Variants in SUGCT observed in about 807,000 individuals in gnomAD.
SUGCT encodes succinyl-CoA:glutarate CoA-transferase.
In SUGCT, 41 loss-of-function variants were observed where a neutral mutation model predicts 55.0. The ratio of observed to expected loss-of-function variants is 0.74; its 90% CI spans 0.58 to 0.97. The LOEUF (loss-of-function observed/expected upper bound fraction) is 0.97. SUGCT is among the 50% of genes least tolerant of loss of function. SUGCT has a pLI of 0.00. For missense variants in SUGCT, 568 were observed against 547.8 expected (o/e 1.04, Z -0.37); for synonymous variants, 187 against 200.4 (o/e 0.93, Z 0.56).
intron 9 of SUGCT, among the ~76,000 whole-genome samples, chr7:40,389,307 G>A (rs10263494): frequency 0.26 from 39,322 of 151,908 alleles, 6,122 homozygotes; most frequent in Non-Finnish European, 0.36. Flanking sequence ...AAATGAGCTG[G>A]GCACGGTGGC....
chr7:40,284,197 A>G (rs1793162237), intron 8 of SUGCT, among the ~76,000 whole-genome samples: 1 of 152,120 alleles, frequency 6.6e-6, no homozygotes, highest in African/African-American at 2.4e-5. Context: ...TTTCAGTTAG[A>G]TGGGATGAAT....
chr7:40,585,222 G>T (rs1044727767), intron 12 of SUGCT, among the ~76,000 whole-genome samples: 1 of 152,158 alleles, frequency 6.6e-6, no homozygotes, highest in Admixed American at 6.5e-5. Context: ...TATAAGCATT[G>T]TGGTTTCAGA....
the SUGCT span, among the ~76,000 whole-genome samples, chr7:41,006,328 C>T: frequency 1.3e-5 from 2 of 152,208 alleles, no homozygotes; most frequent in African/African-American, 4.8e-5. Context: ...GGCTGGACTC[C>T]AAACAAAGGC....
chr7:40,863,882 AG>A (rs1423488586), downstream of SUGCT, among the ~76,000 whole-genome samples: 1 of 151,998 alleles, frequency 6.6e-6, no homozygotes, highest in Non-Finnish European at 1.5e-5. Flanking sequence ...TAGTGGTACT[AG>A]TACTGGTGCA....
At chr7:40,730,276 T>A (rs372953341) in intron 12 of SUGCT, among the ~76,000 whole-genome samples, 2 of 152,208 alleles carry the variant, frequency 1.3e-5, no homozygotes, top group South Asian at 4.2e-4. Context: ...CCAGATAATT[T>A]TTGTATTTTT....
chr7:40,942,767 C>T, the SUGCT span, among the ~76,000 whole-genome samples: 7 of 149,382 alleles, frequency 4.7e-5, no homozygotes, highest in African/African-American at 1.2e-4. Context: ...AATTCTCTGT[C>T]TTTTTTTTTT....
At chr7:40,609,617 T>A (rs958921558) in intron 12 of SUGCT, among the ~76,000 whole-genome samples, 1 of 151,886 alleles carries the variant, frequency 6.6e-6, no homozygotes, top group African/African-American at 2.4e-5. Flanking sequence ...GTTTCTTAAC[T>A]TTTGTTTACA....
chr7:40,562,880 C>T (rs1359058709), intron 12 of SUGCT, among the ~76,000 whole-genome samples: 1 of 152,098 alleles, frequency 6.6e-6, no homozygotes, highest in Non-Finnish European at 1.5e-5. Context: ...AAAATGAGTT[C>T]GTTTTGGACA....
In SUGCT at chr7:40,292,520, G is replaced by C. The variant is rs546616876; in HGVS notation, c.720+17864G>C. On this transcript the variant is annotated intron_variant, in intron 8 of 13. Coordinates refer to ENST00000335693, the MANE Select transcript of SUGCT (RefSeq NM_001193313.2). ...TCATGTAAGTCATTGAGTCCTTTATGAAATGATGATTTCCTTTCCACCAGA... is the reference window on the plus strand; with the variant it reads ...TCATGTAAGTCATTGAGTCCTTTATCAAATGATGATTTCCTTTCCACCAGA... 7.9e-5 allele frequency among the ~76,000 whole-genome samples: 12 copies of C among 152,234 alleles called. No homozygotes were observed. In the South Asian group the frequency reaches 1.5e-3, roughly 18 times the overall value.
intron 12 of SUGCT, among the ~76,000 whole-genome samples, chr7:40,663,978 G>A (rs1801471213): frequency 6.6e-6 from 1 of 151,930 alleles, no homozygotes; most frequent in Non-Finnish European, 1.5e-5. Flanking sequence ...CTGGGGGGAG[G>A]GCCTAATCCA....
At chr7:40,214,784 T>G (rs1050689227) in intron 6 of SUGCT, among the ~76,000 whole-genome samples, 1 of 151,946 alleles carries the variant, frequency 6.6e-6, no homozygotes, top group Admixed American at 6.6e-5. Context: ...TGTGGTGGCA[T>G]GTGCCTGTAG....
At chr7:40,484,105 A>G (rs1036707757) in intron 11 of SUGCT, among the ~76,000 whole-genome samples, 6 of 152,214 alleles carry the variant, frequency 3.9e-5, no homozygotes, top group Admixed American at 2.0e-4. Flanking sequence ...CAACTTGCCC[A>G]TGGTCACAAA....
intron 12 of SUGCT, among the ~76,000 whole-genome samples, chr7:40,700,276 A>G (rs752605816): frequency 1.3e-5 from 2 of 152,168 alleles, no homozygotes; most frequent in Non-Finnish European, 2.9e-5. Context: ...CTCCAGTCCC[A>G]TCTTAGGACT....
intron 12 of SUGCT, among the ~76,000 whole-genome samples, chr7:40,542,497 G>A (rs1794748395): frequency 1.3e-5 from 2 of 152,140 alleles, no homozygotes; most frequent in Non-Finnish European, 2.9e-5. Flanking sequence ...CTTACACTAG[G>A]TATGGATTTA....
At chr7:40,969,398 T>C in the SUGCT span, among the ~76,000 whole-genome samples, 3 of 152,352 alleles carry the variant, frequency 2.0e-5, no homozygotes, top group East Asian at 5.8e-4. Context: ...TGGTGCTCTA[T>C]TGCCCAGCCT....
intron 1 of SUGCT, among the ~76,000 whole-genome samples, chr7:40,145,915 A>G (rs900240374): frequency 3.3e-5 from 5 of 152,238 alleles, no homozygotes; most frequent in South Asian, 2.1e-4. Context: ...GGAATCATCT[A>G]TCCTCCTGTC....
chr7:40,568,479 A>G (rs1422070702), intron 12 of SUGCT, among the ~76,000 whole-genome samples: 1 of 152,218 alleles, frequency 6.6e-6, no homozygotes, highest in African/African-American at 2.4e-5. Flanking sequence ...TGTTTGAGTG[A>G]TTGCTATAAA....
intron 12 of SUGCT, among the ~76,000 whole-genome samples, chr7:40,585,737 T>C (rs1276439873): frequency 6.6e-6 from 1 of 152,178 alleles, no homozygotes; most frequent in Non-Finnish European, 1.5e-5. Flanking sequence ...TAGAGTGTAT[T>C]GGTGTGATTA....
chr7:40,394,596 C>T (rs1022378955), intron 9 of SUGCT, among the ~76,000 whole-genome samples: 61 of 152,184 alleles, frequency 4.0e-4, no homozygotes, highest in African/African-American at 1.4e-3. Flanking sequence ...TGTTAACTAT[C>T]GTCACCATGT....
Sources: gnomAD v4.1 joint callset for allele counts (sites outside exome capture counted in the v4.1 genomes callset) on GRCh38, gnomAD v4.1.1 for gene constraint, MANE v1.5 for transcripts, NCBI Gene and HGNC (gene_info 2026-07-23, HGNC 2026-07-21) for gene names.